Variants in MPP7 observed in about 807,000 individuals in gnomAD.
MPP7 encodes the protein MAGUK p55 scaffold protein 7.
Under a neutral mutation model 76.5 loss-of-function variants are expected in MPP7, and 60 were observed. That is an observed-to-expected ratio of 0.78 (90% CI 0.64 to 0.97). MPP7 has a LOEUF of 0.97. Among genes scored for constraint, MPP7 ranks in the 50% least tolerant of loss-of-function variants. The pLI, the probability that MPP7 is intolerant of heterozygous loss-of-function variation, is 0.00. For missense variants in MPP7, 641 were observed against 694.0 expected (o/e 0.92, Z 0.86); for synonymous variants, 237 against 244.5 (o/e 0.97, Z 0.29).
chr10:28,198,215 T>C (rs1837650852), intron 3 of MPP7, among the ~76,000 whole-genome samples: 1 of 152,222 alleles, frequency 6.6e-6, no homozygotes, highest in African/African-American at 2.4e-5. Flanking sequence ...ATTCTTATCC[T>C]AGAAATCTAA....
chr10:28,292,505 G>A (rs187973847), intron 1 of MPP7, among the ~76,000 whole-genome samples: 209 of 151,722 alleles, frequency 1.4e-3, no homozygotes, highest in Non-Finnish European at 2.1e-3. Context: ...CCACTGATAA[G>A]TGGTTTCCAC....
chr10:28,138,172 G>C (rs969409000), intron 5 of MPP7, among the ~76,000 whole-genome samples: 1 of 152,190 alleles, frequency 6.6e-6, no homozygotes, highest in Non-Finnish European at 1.5e-5. Context: ...ATATTCTAGA[G>C]ATGATGTCAC....
intron 16 of MPP7, 65 bp downstream of exon 16, chr10:28,056,415 T>A (rs1442126441): frequency 1.3e-6 from 2 of 1,524,428 alleles, no homozygotes; most frequent in African/African-American, 1.4e-5. Context: ...TGCTTCGGCC[T>A]CCCAAAGTGC....
In MPP7 at chr10:28,056,624, C is replaced by A. The variant is rs1487160873; in HGVS notation, c.1408-1G>T. 6.5e-7 allele frequency: 1 copy of A among 1,548,404 alleles called. No individual in the cohort carries two copies. The highest frequency in any genetic ancestry group is 2.4e-5 in the East Asian group (1 of 41,622). ...CTAGTGTCCTTAAATGCTTCACTGT[C>A]TACAAGGAAGAAAAGAAAGTTTTCT... On this transcript the variant is annotated splice_acceptor_variant, in intron 15 of 16. Transcript: ENST00000683449. LOFTEE classifies it high-confidence loss of function.
intron 2 of MPP7, among the ~76,000 whole-genome samples, chr10:28,227,999 T>TA (rs2134096709): frequency 6.6e-6 from 1 of 152,328 alleles, no homozygotes; most frequent in South Asian, 2.1e-4. Context: ...CTTGACTTTT[T>TA]AATAATTGCC....
At chr10:28,059,216 G>A (rs888813536) in intron 14 of MPP7, among the ~76,000 whole-genome samples, 2 of 152,180 alleles carry the variant, frequency 1.3e-5, no homozygotes, top group Non-Finnish European at 2.9e-5. Context: ...GACGGTACCA[G>A]CAAGTTAATT....
chr10:28,142,853 TAAC>T (rs1835567054), intron 5 of MPP7, among the ~76,000 whole-genome samples: 1 of 152,308 alleles, frequency 6.6e-6, no homozygotes, highest in Non-Finnish European at 1.5e-5. Context: ...AGGTCTGTCT[TAAC>T]AACAAGCTGG....
At chr10:28,066,838 T>C (rs1320418818) in intron 13 of MPP7, among the ~76,000 whole-genome samples, 1 of 152,258 alleles carries the variant, frequency 6.6e-6, no homozygotes, top group East Asian at 1.9e-4. Context: ...TTGTTGCATG[T>C]AGTTGAAGAT....
chr10:28,329,926 T>C (rs1392343867), intron 2 of MPP7: 1 of 152,196 alleles, frequency 6.6e-6, no homozygotes, highest in Non-Finnish European at 1.5e-5. Context: ...TAATGATAAA[T>C]ACCTTTCTCC....
At chr10:28,226,742 T>C (rs1479409025) in intron 2 of MPP7, among the ~76,000 whole-genome samples, 1 of 151,964 alleles carries the variant, frequency 6.6e-6, no homozygotes, top group African/African-American at 2.4e-5. Context: ...AAATGAAAAA[T>C]AAACTACAAA....
At chr10:28,216,598 T>C (rs1354036103) in intron 2 of MPP7, among the ~76,000 whole-genome samples, 4 of 152,200 alleles carry the variant, frequency 2.6e-5, no homozygotes, top group African/African-American at 7.2e-5. Context: ...TTAATCCCTT[T>C]ATTGAGGTAA....
chr10:28,277,422 G>T (rs1041797946), intron 1 of MPP7, among the ~76,000 whole-genome samples: 1 of 150,780 alleles, frequency 6.6e-6, no homozygotes, highest in Non-Finnish European at 1.5e-5. Context: ...TCACAAAAAC[G>T]ATCTCCTAAT....
upstream of MPP7, chr10:28,303,370 C>T (rs1564767904): frequency 6.6e-6 from 1 of 152,186 alleles, no homozygotes; most frequent in Non-Finnish European, 1.5e-5. Flanking sequence ...GTTTCATGGA[C>T]GAGCAACCTC....
At chr10:28,268,506 CG>C (rs1564745884) in intron 1 of MPP7, among the ~76,000 whole-genome samples, 1 of 152,010 alleles carries the variant, frequency 6.6e-6, no homozygotes, top group Non-Finnish European at 1.5e-5. Flanking sequence ...CCAAGGCACA[CG>C]GATGACTTGA....
chr10:28,286,078 C>T (rs556287364), intron 1 of MPP7, among the ~76,000 whole-genome samples: 52 of 152,284 alleles, frequency 3.4e-4, no homozygotes, highest in African/African-American at 1.2e-3. Context: ...GGGATGGTGG[C>T]TCATGCCTGT....
chr10:28,307,487 C>T (rs1404478098), upstream of MPP7: 2 of 152,092 alleles, frequency 1.3e-5, no homozygotes, highest in Non-Finnish European at 2.9e-5. Context: ...GCTTGCAGAA[C>T]AAGCAGGACA....
intron 2 of MPP7, among the ~76,000 whole-genome samples, chr10:28,328,604 T>G (rs546013375): frequency 6.2e-4 from 94 of 151,880 alleles, no homozygotes; most frequent in African/African-American, 2.2e-3. Context: ...AAAGTTTGTT[T>G]ACATTCCAAA....
rs75310193 is a variant in MPP7 at position 28,066,900 on chromosome 10, T to C, written c.1204+2872A>G. On this transcript the variant is annotated intron_variant, in intron 13 of 16. Coordinates refer to ENST00000683449, the MANE Select transcript of MPP7 (RefSeq NM_001318170.2). The stretch of plus-strand genomic sequence containing the variant: ...TCCATTGTATGCATATACTATACTT[T>C]GTATGCATATACTATACTTTACTTC... Among the ~76,000 whole-genome samples the C allele has an allele frequency of 3.9e-3, 597 of 152,354 alleles. 5 individuals are homozygous for C. Among genetic ancestry groups the C allele is most frequent in the African/African-American group, 0.013 (559 of 41,580 alleles).
intron 1 of MPP7, among the ~76,000 whole-genome samples, chr10:28,250,272 G>A (rs1839572797): frequency 2.0e-5 from 3 of 152,290 alleles, no homozygotes; most frequent in South Asian, 4.1e-4. Context: ...GAGAGGCGGA[G>A]GAGAGGGAGA....
Sources: gnomAD v4.1 joint callset for allele counts (sites outside exome capture counted in the v4.1 genomes callset) on GRCh38, gnomAD v4.1.1 for gene constraint, MANE v1.5 for transcripts, NCBI Gene and HGNC (gene_info 2026-07-23, HGNC 2026-07-21) for gene names.